Variants in CNTN1 observed in about 807,000 individuals in gnomAD.
CNTN1 encodes contactin 1.
A neutral mutation model predicts 126.4 loss-of-function variants in CNTN1; 38 were observed. The ratio of observed to expected loss-of-function variants is 0.30; its 90% CI spans 0.23 to 0.39. CNTN1 has a LOEUF of 0.39. Among genes scored for constraint, CNTN1 ranks in the 10% least tolerant of loss-of-function variants. The pLI, the probability that CNTN1 is intolerant of heterozygous loss-of-function variation, is 1.00. For synonymous variants in CNTN1, 413 were observed against 422.6 expected (o/e 0.98, Z 0.28); for missense variants, 1,009 against 1,248.4 (o/e 0.81, Z 2.89).
chr12:40,724,766 G>A (rs761328158), intron 1 of CNTN1, among the ~76,000 whole-genome samples: 2 of 152,130 alleles, frequency 1.3e-5, no homozygotes, highest in African/African-American at 2.4e-5. Flanking sequence ...TGCTGGTATC[G>A]AAAATAAACC....
Position 40,944,102 on chromosome 12 carries a change from G to A in CNTN1, c.1615G>A (p.Val539Ile). The change falls in exon 14 of 24, where the codon GTT becomes ATT. Residue 539 changes from valine to isoleucine, a missense_variant. Transcript: ENST00000551295. Reference protein sequence around the residue: ...SFDPALDLTFVWSFNGYVIDF... With the variant: ...SFDPALDLTFIWSFNGYVIDF... ...TGATCCTGCCTTGGATCTCACATTT[G>A]TTTGGTCCTTCAATGGCTATGTGAT... 6.2e-7 allele frequency: 1 copy of A among 1,613,498 alleles called. No homozygotes were observed. The highest frequency in any genetic ancestry group is 2.2e-5 in the East Asian group (1 of 44,842).
At chr12:41,043,132 A>T (rs1181212710) in intron 23 of CNTN1, among the ~76,000 whole-genome samples, 1 of 152,214 alleles carries the variant, frequency 6.6e-6, no homozygotes, top group Non-Finnish European at 1.5e-5. Context: ...ATGGCAACAA[A>T]AGCCAAAATT....
intron 6 of CNTN1, among the ~76,000 whole-genome samples, chr12:40,926,929 A>G (rs1051914355): frequency 1.3e-5 from 2 of 152,140 alleles, no homozygotes; most frequent in Non-Finnish European, 2.9e-5. Context: ...TGAAGTTGCC[A>G]TTACTTCAGC....
intron 16 of CNTN1, among the ~76,000 whole-genome samples, chr12:40,986,239 C>A (rs894162766): frequency 3.9e-5 from 6 of 152,094 alleles, no homozygotes; most frequent in African/African-American, 1.4e-4. Flanking sequence ...TCTTTCTTGA[C>A]AGTGGGTCAT....
intron 7 of CNTN1, among the ~76,000 whole-genome samples, chr12:40,931,074 C>T (rs1372542): frequency 0.47 from 70,713 of 151,750 alleles, 16,493 homozygotes; most frequent in Admixed American, 0.5. Context: ...CCAGTTGTTC[C>T]GGTTCACATT....
intron 1 of CNTN1, among the ~76,000 whole-genome samples, chr12:40,843,465 G>A (rs949898316): frequency 2.0e-4 from 31 of 152,056 alleles, no homozygotes; most frequent in Non-Finnish European, 4.3e-4. Context: ...CATCTTTTCA[G>A]ACTCCATGGA....
At chr12:41,025,068 T>A in intron 20 of CNTN1, 82 bp from the exon 21 acceptor site, 1 of 1,304,124 alleles carries the variant, frequency 7.7e-7, no homozygotes, top group Non-Finnish European at 1.1e-6. Context: ...ACACCAATGG[T>A]AATAGAACCA....
At chr12:40,759,326 G>T (rs978979240) in intron 1 of CNTN1, among the ~76,000 whole-genome samples, 2 of 152,080 alleles carry the variant, frequency 1.3e-5, no homozygotes, top group African/African-American at 4.8e-5. Flanking sequence ...TGATTGGCTG[G>T]GTCAAGGGAG....
intron 1 of CNTN1, among the ~76,000 whole-genome samples, chr12:40,754,619 G>A (rs1019870492): frequency 1.3e-5 from 2 of 151,692 alleles, no homozygotes; most frequent in African/African-American, 4.8e-5. Context: ...GCATTGCCAG[G>A]TTTTTCTTTT....
intron 14 of CNTN1, among the ~76,000 whole-genome samples, chr12:40,953,028 T>A (rs1337769430): frequency 6.6e-6 from 1 of 152,178 alleles, no homozygotes; most frequent in Non-Finnish European, 1.5e-5. Context: ...ATAGAATCTT[T>A]CTTTGTTCAC....
intron 9 of CNTN1, among the ~76,000 whole-genome samples, chr12:40,935,636 T>G (rs550047220): frequency 6.6e-6 from 1 of 152,236 alleles, no homozygotes; most frequent in East Asian, 1.9e-4. Context: ...TCCTGTATTA[T>G]GTATTGCTAA....
intron 17 of CNTN1, among the ~76,000 whole-genome samples, chr12:41,013,275 G>A (rs2120720701): frequency 6.6e-6 from 1 of 152,268 alleles, no homozygotes; most frequent in African/African-American, 2.4e-5. Context: ...AAGGGAAGAT[G>A]GAGCCGCCAT....
chr12:41,026,475 G>T (rs1402016281), intron 21 of CNTN1, among the ~76,000 whole-genome samples: 1 of 152,224 alleles, frequency 6.6e-6, no homozygotes, highest in African/African-American at 2.4e-5. Flanking sequence ...GAAGATGCCA[G>T]TTAAGCTATG....
intron 14 of CNTN1, among the ~76,000 whole-genome samples, chr12:40,951,836 ATGAGT>A (rs1162074787): frequency 1.3e-5 from 2 of 149,752 alleles, no homozygotes; most frequent in South Asian, 2.2e-4. Context: ...TGATGAGTTG[ATGAGT>A]TGAGTAGTAT....
intron 1 of CNTN1, among the ~76,000 whole-genome samples, chr12:40,770,286 A>T (rs1483358598): frequency 1.3e-5 from 2 of 152,164 alleles, no homozygotes; most frequent in East Asian, 3.8e-4. Context: ...ATCCAGAGAA[A>T]GAACAGCCCT....
At chr12:40,744,837 C>A (rs372607150) in intron 1 of CNTN1, among the ~76,000 whole-genome samples, 1 of 151,928 alleles carries the variant, frequency 6.6e-6, no homozygotes, top group African/African-American at 2.4e-5. Context: ...CTCATGGAGG[C>A]GTTTAACACC....
chr12:40,823,690 C>T (rs1941521104), intron 1 of CNTN1, among the ~76,000 whole-genome samples: 1 of 152,078 alleles, frequency 6.6e-6, no homozygotes, highest in South Asian at 2.1e-4. Context: ...TTTCACTTTA[C>T]ACTTTCAAAC....
intron 1 of CNTN1, among the ~76,000 whole-genome samples, chr12:40,712,903 C>T (rs903924742): frequency 1.6e-4 from 24 of 152,124 alleles, no homozygotes; most frequent in African/African-American, 4.6e-4. Context: ...CCCTCATGAA[C>T]GGCTTGCTGT....
chr12:40,900,886 A>G (rs1944578155), intron 1 of CNTN1, among the ~76,000 whole-genome samples: 1 of 152,218 alleles, frequency 6.6e-6, no homozygotes, highest in Non-Finnish European at 1.5e-5. Flanking sequence ...TTTCAGTAGG[A>G]GTTGCAAAGG....
Sources: allele counts gnomAD v4.1 joint callset (sites outside exome capture counted in the v4.1 genomes callset), GRCh38; gene constraint gnomAD v4.1.1; transcripts MANE v1.5; gene names NCBI Gene and HGNC (gene_info 2026-07-23, HGNC 2026-07-21).